Variants in SZT2 observed in about 807,000 individuals in gnomAD.
SZT2 encodes the protein SZT2 subunit of KICSTOR complex, also known as KICSTOR complex protein SZT2.
Under a neutral mutation model 404.2 loss-of-function variants are expected in SZT2, and 216 were observed. That is an observed-to-expected ratio of 0.53 (90% CI 0.48 to 0.60). The LOEUF (loss-of-function observed/expected upper bound fraction) is 0.60, where lower values mean the gene tolerates loss of function less well. SZT2 is among the 20% of genes least tolerant of loss of function. The pLI is 0.00. For missense variants in SZT2, 3,857 were observed against 4,459.2 expected (o/e 0.86, Z 3.85); for synonymous variants, 1,693 against 1,749.9 (o/e 0.97, Z 0.81).
At chr1:43,423,958 G>GT in intron 15 of SZT2, among the ~76,000 whole-genome samples, 1 of 150,336 alleles carries the variant, frequency 6.7e-6, no homozygotes, top group East Asian at 2.0e-4. Context: ...GAAGGGCATG[G>GT]TTTAGCAGGG....
intron 2 of SZT2, 124 bp downstream of exon 2, chr1:43,403,426 T>C (rs975837872): frequency 1.4e-6 from 2 of 1,437,220 alleles, no homozygotes; most frequent in Admixed American, 5.0e-5. Context: ...AGGGACTGCC[T>C]ACAAGATGAT....
At chr1:43,396,799 C>T (rs1472206368) in intron 1 of SZT2, among the ~76,000 whole-genome samples, 2 of 152,136 alleles carry the variant, frequency 1.3e-5, no homozygotes, top group African/African-American at 4.8e-5. Flanking sequence ...TGCACTCCCC[C>T]AGGGTTCCAG....
At position 43,425,206 on chromosome 1, in the gene SZT2, A is replaced by G. The variant is rs1464565126; in HGVS notation, c.2644A>G (p.Ser882Gly). Residue 882 changes from serine to glycine, a missense_variant and splice_region_variant, in exon 18 of 72, where the codon AGC (serine) becomes GGC (glycine). Ser to Gly is a moderately conservative substitution (Grantham distance 56, BLOSUM62 0). Coordinates refer to ENST00000634258, the MANE Select transcript of SZT2 (RefSeq NM_001365999.1). This position sits in a 1 kb window ranked among gnomAD's most constrained non-coding sequence, Gnocchi z 4.3. ...FPPHSTSTKD[S>G]FSTDDDNDVE... ...CCCACACTCTACCTCCACCAAAGACAGGTGAGACAGGCCATCTGTGAGGGC... is the reference window on the plus strand; with the variant it reads ...CCCACACTCTACCTCCACCAAAGACGGGTGAGACAGGCCATCTGTGAGGGC... 6.2e-7 allele frequency: 1 copy of G among 1,614,038 alleles called. No individual in the cohort carries two copies. The highest frequency in any genetic ancestry group is 2.2e-5 in the East Asian group (1 of 44,890).
At chr1:43,395,352 C>T (rs2153927685) in intron 1 of SZT2, among the ~76,000 whole-genome samples, 2 of 152,240 alleles carry the variant, frequency 1.3e-5, no homozygotes, top group East Asian at 3.9e-4. Context: ...GGCTGGAGTG[C>T]AGTGGTATGA....
Position 43,431,087 on chromosome 1 carries a change from A to G in SZT2, c.4913A>G (p.His1638Arg). Residue 1638 changes from histidine (H) to arginine (R), a missense_variant, in exon 33 of 72, where the codon CAC becomes CGC. This residue lies in a region of SZT2 where 1,725 missense variants were observed against 1,881.0 expected (regional missense o/e 0.92). Transcript: ENST00000634258. ...CCCACGGCCTCGGACCCTCAGCACCACCGGTGTGGCAGCAAGTTTGGTGGG... is the reference window on the plus strand; with the variant it reads ...CCCACGGCCTCGGACCCTCAGCACCGCCGGTGTGGCAGCAAGTTTGGTGGG... ...ELPTASDPQH[H>R]RSTSESSASF... The G allele has an allele frequency of 6.2e-7, 1 of 1,612,222 alleles. No homozygotes were observed. The highest frequency in any genetic ancestry group is 8.5e-7 in the Non-Finnish European group (1 of 1,179,422).
Position 43,437,608 on chromosome 1 carries a change from T to C in SZT2, c.6304T>C (p.Ser2102Pro). ...GCTCTTTCCCAGGCTCCTAGAGACA[T>C]CCTGCAGTGACCGGCCATGGAAAGG... is the stretch of plus-strand genomic sequence containing the variant. ...AVYYLRLLET[S>P]CSDRPWKGDA... The change falls in exon 45 of 72, where the codon TCC (serine) becomes CCC (proline). Residue 2102 changes from serine (S) to proline (P), a missense_variant. Physicochemically the swap from Ser to Pro is moderately conservative, Grantham distance 74. This residue lies in a region of SZT2 where 261 missense variants were observed against 372.9 expected (regional missense o/e 0.70). Transcript: ENST00000634258. This position sits in a 1 kb window ranked among gnomAD's most constrained non-coding sequence, Gnocchi z 5.3. 1 of 1,613,962 alleles carries C rather than the reference T, an allele frequency of 6.2e-7. No homozygotes were observed. Among genetic ancestry groups the C allele is most frequent in the Non-Finnish European group, 8.5e-7 (1 of 1,179,966 alleles).
At position 43,442,604 on chromosome 1, in the gene SZT2, G is replaced by A. The variant is rs773129616; in HGVS notation, c.8137G>A (p.Val2713Met). 1.2e-5 allele frequency: 20 copies of A among 1,603,874 alleles called. No homozygotes were observed. Among genetic ancestry groups the A allele is most frequent in the South Asian group, 8.9e-5 (8 of 90,300 alleles). ...TCATTATGGCCAGTTGGACTTCCCC[G>A]TGCGAGATGAAAAGGTGCCTGCTGC... is the stretch of plus-strand genomic sequence containing the variant. ...FHHYGQLDFP[V>M]RDEKEPNPFL... Residue 2713 changes from valine to methionine, a missense_variant, in exon 58 of 72, where the codon GTG (valine) becomes ATG (methionine). Physicochemically the swap from Val to Met is conservative, Grantham distance 21. Coordinates refer to ENST00000634258, the MANE Select transcript of SZT2 (RefSeq NM_001365999.1). The surrounding 1 kb of genome is among the most constrained non-coding windows in gnomAD (Gnocchi z 4.5).
chr1:43,394,087 G>T, intron 1 of SZT2: 1 of 985,150 alleles, frequency 1.0e-6, no homozygotes. Context: ...TTCATATGAG[G>T]ACTTGAAGCT....
rs2153933861 is a variant in SZT2, at chr1:43,430,591, C to T, written c.4576C>T (p.Leu1526=). 1 of 1,614,158 alleles carries T rather than the reference C, an allele frequency of 6.2e-7. No homozygotes were observed. Among genetic ancestry groups the T allele is most frequent in the East Asian group, 2.2e-5 (1 of 44,864 alleles). The change falls in exon 32 of 72, where the codon CTA becomes TTA. Residue 1526 remains leucine (L), a synonymous_variant. Coordinates refer to ENST00000634258, the MANE Select transcript of SZT2 (RefSeq NM_001365999.1). ...SRESDLGPAG[L]DSASLSDVDT... ...TGAATCAGACCTGGGGCCTGCTGGG[C>T]TAGACTCTGCCTCGCTGTCAGACGT...
intron 1 of SZT2, among the ~76,000 whole-genome samples, chr1:43,401,648 G>T (rs973475051): frequency 2.2e-4 from 33 of 151,954 alleles, no homozygotes; most frequent in Non-Finnish European, 4.6e-4. Flanking sequence ...ACCACGCCTA[G>T]CTAATTTTTG....
Position 43,427,705 on chromosome 1 carries a change from C to G in SZT2, c.3774C>G (p.Pro1258=). 1 of 1,613,828 alleles carries G rather than the reference C, an allele frequency of 6.2e-7. No individual in the cohort carries two copies. The highest frequency in any genetic ancestry group is 8.5e-7 in the Non-Finnish European group (1 of 1,180,012). ...GGGAACAAATGGTTGGCATGCAGCC[C>G]CCTCAGGCGCCCCGAGACCTCATCT... is the stretch of plus-strand genomic sequence containing the variant. ...ALREQMVGMQ[P]PQAPRDLIFR... The change falls in exon 26 of 72, where the codon CCC becomes CCG. Residue 1258 remains proline (P), a synonymous_variant. Coordinates refer to ENST00000634258, the MANE Select transcript of SZT2 (RefSeq NM_001365999.1).
Position 43,431,360 on chromosome 1 carries a change from CAGA to C in SZT2, c.5016_5018del (p.Glu1674del), listed in dbSNP as rs779100779. 5 of 1,612,406 alleles carry C rather than the reference CAGA, an allele frequency of 3.1e-6. No individual in the cohort carries two copies. Among genetic ancestry groups the C allele is most frequent in the Non-Finnish European group, 3.4e-6 (4 of 1,178,606 alleles). Reference sequence around the variant, plus strand: ...GGCCTCGGGCCCCCACTGCCACCCCCAGAAGAGGAGAGGTACTTCTTTATCTCC... The same window carrying C: ...GGCCTCGGGCCCCCACTGCCACCCCCAGAGGAGAGGTACTTCTTTATCTCC... On this transcript the variant is annotated inframe_deletion, in exon 34 of 72. Coordinates refer to ENST00000634258, the MANE Select transcript of SZT2 (RefSeq NM_001365999.1).
rs553295081 is a variant in SZT2 at position 43,403,276 on chromosome 1, G to C, written c.127G>C (p.Val43Leu). ...AWFLSHLHQTVQATPQEMLLQ... is the reference protein window; with the variant it reads ...AWFLSHLHQTLQATPQEMLLQ... ...GTTCCTCAGTCATCTGCACCAAACT[G>C]TGCAGGCCACACCCCAGGAGATGCT... Residue 43 changes from valine (V) to leucine (L), a missense_variant, in exon 2 of 72, where the codon GTG becomes CTG. Around this residue, in one of 7 missense-constraint regions of SZT2, gnomAD observed 536 missense variants for 637.4 expected, o/e 0.84. Coordinates refer to ENST00000634258, the MANE Select transcript of SZT2 (RefSeq NM_001365999.1). The C allele has an allele frequency of 7.4e-6, 12 of 1,613,844 alleles. No homozygotes were observed. The South Asian group carries it at 1.3e-4, about 18-fold the overall frequency.
In SZT2 at chr1:43,453,637, G is replaced by T; in HGVS notation, c.*3157G>T. 6.7e-7 allele frequency: 1 copy of T among 1,491,746 alleles called. No individual in the cohort carries two copies. 92.4% of individuals were successfully genotyped at this position (1,491,746 alleles called of 1,614,324 possible). A position where few individuals can be genotyped will look rare whatever the true frequency, so the allele number is the denominator to read the frequency against. On this transcript the variant is annotated 3_prime_UTR_variant, in exon 72 of 72. Coordinates refer to ENST00000634258, the MANE Select transcript of SZT2 (RefSeq NM_001365999.1). Reference sequence around the variant, plus strand: ...AGTACAAGCCGCAGCCCCGCTTCTCGCGCGGCGCGCGCCAGCGCCTCAGGC... The same window carrying T: ...AGTACAAGCCGCAGCCCCGCTTCTCTCGCGGCGCGCGCCAGCGCCTCAGGC...
Position 43,452,743 on chromosome 1 carries a change from C to T in SZT2, c.*2263C>T, listed in dbSNP as rs1656578630. 1.4e-6 allele frequency: 1 copy of T among 710,560 alleles called. No homozygotes were observed. Among genetic ancestry groups the T allele is most frequent in the East Asian group, 2.7e-5 (1 of 37,052 alleles). The allele number at this position is 710,560 out of a possible 1,614,324, so 44.0% of individuals were successfully genotyped here. A position where few individuals can be genotyped will look rare whatever the true frequency, so the allele number is the denominator to read the frequency against. ...CCCACCATTGACCAGTAGTGATCCCCTCTTGCCAGTTCCTTCTGAGCCTGT... is the reference window on the plus strand; with the variant it reads ...CCCACCATTGACCAGTAGTGATCCCTTCTTGCCAGTTCCTTCTGAGCCTGT... On this transcript the variant is annotated 3_prime_UTR_variant, in exon 72 of 72. Coordinates refer to ENST00000634258, the MANE Select transcript of SZT2 (RefSeq NM_001365999.1).
chr1:43,425,495 T>C lies in SZT2; in HGVS notation c.2667T>C (p.Asn889=), dbSNP rs781309163. 4 of 1,614,026 alleles carry C rather than the reference T, an allele frequency of 2.5e-6. No individual in the cohort carries two copies. Among genetic ancestry groups the C allele is most frequent in the South Asian group, 2.2e-5 (2 of 91,068 alleles). Residue 889 remains asparagine (N), a synonymous_variant, in exon 19 of 72, where the codon AAT becomes AAC. Transcript: ENST00000634258. This position sits in a 1 kb window ranked among gnomAD's most constrained non-coding sequence, Gnocchi z 4.3. ...TKDSFSTDDD[N]DVEVEALEGD... is the part of the protein sequence containing the mutation. Reference sequence around the variant, plus strand: ...TTAGCTTCTCGACAGATGATGACAATGATGTGGAAGTGGAGGCCCTGGAGG... The same window carrying C: ...TTAGCTTCTCGACAGATGATGACAACGATGTGGAAGTGGAGGCCCTGGAGG...
At chr1:43,429,987 A>T in intron 29 of SZT2, 24 bp from the exon 30 acceptor site, 2 of 1,613,696 alleles carry the variant, frequency 1.2e-6, no homozygotes, top group South Asian at 2.2e-5. Context: ...TGACATTCTA[A>T]CCTCCTTCTA....
intron 41 of SZT2, 86 bp downstream of exon 41, chr1:43,434,571 C>A: frequency 8.7e-7 from 1 of 1,150,608 alleles, no homozygotes; most frequent in Non-Finnish European, 1.2e-6. Flanking sequence ...GGCTATTGGT[C>A]CATTTCAGAA....
intron 7 of SZT2, 61 bp downstream of exon 7, chr1:43,416,702 C>A: frequency 7.5e-7 from 1 of 1,324,630 alleles, no homozygotes; most frequent in Non-Finnish European, 1.1e-6. Flanking sequence ...GTTGGGATGG[C>A]TGATTACTTT....
Sources: gnomAD v4.1 joint callset for allele counts (sites outside exome capture counted in the v4.1 genomes callset) on GRCh38, gnomAD v4.1.1 for gene constraint, gnomAD v4.1.1 regional missense constraint, Gnocchi (gnomAD v3.1) non-coding constraint, MANE v1.5 for transcripts, NCBI Gene and HGNC (gene_info 2026-07-23, HGNC 2026-07-21) for gene names.